PRDM5: variants seen among roughly 807,000 people sequenced by gnomAD.
PRDM5 encodes the protein PR domain zinc finger protein 5.
In PRDM5, 56 loss-of-function variants were observed where a neutral mutation model predicts 81.2. That is an observed-to-expected ratio of 0.69 (90% CI 0.56 to 0.86). The LOEUF (loss-of-function observed/expected upper bound fraction) is 0.86, where lower values mean the gene tolerates loss of function less well. Among genes scored for constraint, PRDM5 ranks in the 40% least tolerant of loss-of-function variants. PRDM5 has a pLI of 0.00. For missense variants in PRDM5, 697 were observed against 770.1 expected (o/e 0.91, Z 1.12); for synonymous variants, 267 against 256.4 (o/e 1.04, Z -0.39).
At chr4:120,738,596 AT>A (rs934365949) in intron 14 of PRDM5, among the ~76,000 whole-genome samples, 4 of 152,242 alleles carry the variant, frequency 2.6e-5, no homozygotes, top group African/African-American at 9.6e-5. Context: ...CTGATAGTAT[AT>A]TTTTTTAAAC....
At chr4:120,907,371 T>G in intron 2 of PRDM5, 103 bp downstream of exon 2, 1 of 1,014,586 alleles carries the variant, frequency 9.9e-7, no homozygotes, top group South Asian at 1.4e-5. Flanking sequence ...TTTCAATACT[T>G]AAATACTTAA....
intron 3 of PRDM5, among the ~76,000 whole-genome samples, chr4:120,824,342 C>T (rs1168920118): frequency 6.6e-6 from 1 of 152,134 alleles, no homozygotes; most frequent in Admixed American, 6.5e-5. Context: ...TTAGGTTATT[C>T]CCTTGAGCAC....
In PRDM5 at chr4:120,872,150, C is replaced by CAAAAA. The variant is rs70948365; in HGVS notation, c.178-18615_178-18611dup. On this transcript the variant is annotated intron_variant, in intron 2 of 15. Coordinates refer to ENST00000264808, the MANE Select transcript of PRDM5 (RefSeq NM_018699.4). Reference sequence around the variant, plus strand: ...TGGGCGACAGAGCAAGACTCCATCTCAAAAAAAAAAAAAAAAAAAAAAAAC... The same window carrying CAAAAA: ...TGGGCGACAGAGCAAGACTCCATCTCAAAAAAAAAAAAAAAAAAAAAAAAAAAAAC... Among the ~76,000 whole-genome samples the CAAAAA allele has an allele frequency of 1.8e-3, 77 of 41,834 alleles. 7 individuals are homozygous for CAAAAA. Among genetic ancestry groups the CAAAAA allele is most frequent in the African/African-American group, 5.5e-3 (46 of 8,372 alleles). The allele number at this position is 41,834 out of a possible 152,430, so 27.4% of individuals were successfully genotyped here.
At chr4:120,858,905 A>C (rs1760221692) in intron 2 of PRDM5, among the ~76,000 whole-genome samples, 1 of 152,200 alleles carries the variant, frequency 6.6e-6, no homozygotes, top group Non-Finnish European at 1.5e-5. Context: ...ACTAGGAATC[A>C]AAAACCTAGA....
At chr4:120,807,090 C>G (rs1370654314) in intron 8 of PRDM5, among the ~76,000 whole-genome samples, 1 of 152,162 alleles carries the variant, frequency 6.6e-6, no homozygotes, top group Non-Finnish European at 1.5e-5. Flanking sequence ...CCAACAGACA[C>G]ATGAAAAAAT....
At chr4:120,767,424 G>C (rs1399970523) in intron 13 of PRDM5, among the ~76,000 whole-genome samples, 1 of 152,118 alleles carries the variant, frequency 6.6e-6, no homozygotes, top group Non-Finnish European at 1.5e-5. Flanking sequence ...TCATAAAACT[G>C]AGTGTTATTT....
chr4:120,733,324 C>T (rs1195474470), intron 14 of PRDM5, among the ~76,000 whole-genome samples: 3 of 152,146 alleles, frequency 2.0e-5, no homozygotes, highest in African/African-American at 7.2e-5. Flanking sequence ...CTGCCTGACC[C>T]CCACCTCATG....
intron 13 of PRDM5, among the ~76,000 whole-genome samples, chr4:120,761,913 A>G (rs1207681250): frequency 6.6e-6 from 1 of 152,126 alleles, no homozygotes; most frequent in African/African-American, 2.4e-5. Context: ...AAAAATGCAA[A>G]ATTTTGAAGA....
chr4:120,866,719 C>A (rs1761231401), intron 2 of PRDM5, among the ~76,000 whole-genome samples: 1 of 152,144 alleles, frequency 6.6e-6, no homozygotes. Flanking sequence ...TACCTTAATA[C>A]ACTCACTACC....
At chr4:120,912,036 A>C (rs1766570390) in intron 1 of PRDM5, among the ~76,000 whole-genome samples, 1 of 152,322 alleles carries the variant, frequency 6.6e-6, no homozygotes, top group East Asian at 1.9e-4. Flanking sequence ...CTAACTTATA[A>C]ATAAAGGGGG....
chr4:120,739,929 A>G (rs1313729036), intron 14 of PRDM5, among the ~76,000 whole-genome samples: 4 of 152,150 alleles, frequency 2.6e-5, no homozygotes, highest in African/African-American at 9.7e-5. Context: ...AATTTTCACA[A>G]AGGAGAAATG....
chr4:120,795,869 C>A (rs548059203), intron 10 of PRDM5, among the ~76,000 whole-genome samples: 1 of 152,108 alleles, frequency 6.6e-6, no homozygotes, highest in South Asian at 2.1e-4. Flanking sequence ...GCCAAGATTG[C>A]GCCACTGCAC....
intron 14 of PRDM5, among the ~76,000 whole-genome samples, chr4:120,731,196 G>A (rs757255902): frequency 6.6e-6 from 1 of 152,102 alleles, no homozygotes; most frequent in Non-Finnish European, 1.5e-5. Flanking sequence ...CCCACCATGA[G>A]CAAGAGATTT....
At chr4:120,868,607 C>G (rs889681375) in intron 2 of PRDM5, among the ~76,000 whole-genome samples, 3 of 152,094 alleles carry the variant, frequency 2.0e-5, no homozygotes, top group Admixed American at 2.0e-4. Flanking sequence ...GGTCCTCTTG[C>G]AATGGTAACA....
At chr4:120,798,467 G>C (rs748557418) in intron 9 of PRDM5, 43 bp from the exon 10 acceptor site, 4 of 1,471,708 alleles carry the variant, frequency 2.7e-6, no homozygotes, top group Non-Finnish European at 3.7e-6. Flanking sequence ...TCTATATAAA[G>C]GTAAAGGATA....
intron 14 of PRDM5, among the ~76,000 whole-genome samples, chr4:120,734,321 T>A (rs970677114): frequency 4.0e-5 from 6 of 151,634 alleles, no homozygotes; most frequent in Admixed American, 2.6e-4. Context: ...CAGCCATACA[T>A]GGGATGCATT....
chr4:120,725,719 C>T (rs1049701833), intron 14 of PRDM5, among the ~76,000 whole-genome samples: 6 of 147,054 alleles, frequency 4.1e-5, no homozygotes, highest in Admixed American at 2.0e-4. Flanking sequence ...ATGCCAACTC[C>T]GTTTCTATAT....
chr4:120,797,680 A>G (rs1578772193), intron 10 of PRDM5, among the ~76,000 whole-genome samples: 1 of 152,212 alleles, frequency 6.6e-6, no homozygotes, highest in East Asian at 1.9e-4. Context: ...TGCTGAATTC[A>G]TTATGTCGAA....
At chr4:120,841,407 T>A (rs1412283287) in intron 3 of PRDM5, among the ~76,000 whole-genome samples, 1 of 152,150 alleles carries the variant, frequency 6.6e-6, no homozygotes, top group Non-Finnish European at 1.5e-5. Flanking sequence ...TACAGTCTTC[T>A]TTGAATAGAA....
Sources: allele counts gnomAD v4.1 joint callset (sites outside exome capture counted in the v4.1 genomes callset), GRCh38; gene constraint gnomAD v4.1.1; transcripts MANE v1.5; gene names NCBI Gene and HGNC (gene_info 2026-07-23, HGNC 2026-07-21).